The following GALNTL6 variants were observed in gnomAD, a reference collection of about 807,000 sequenced individuals.
GALNTL6 encodes polypeptide N-acetylgalactosaminyltransferase-like 6.
Under a neutral mutation model 73.7 loss-of-function variants are expected in GALNTL6, and 46 were observed. That is an observed-to-expected ratio of 0.62 (90% CI 0.49 to 0.80). GALNTL6 has a LOEUF of 0.80. Among genes scored for constraint, GALNTL6 ranks in the 30% least tolerant of loss-of-function variants. The pLI is 0.00. For synonymous variants in GALNTL6, 259 were observed against 263.7 expected (o/e 0.98, Z 0.17); for missense variants, 604 against 755.0 (o/e 0.80, Z 2.34).
At chr4:172,175,150 C>T (rs1180179288) in intron 2 of GALNTL6, among the ~76,000 whole-genome samples, 2 of 151,306 alleles carry the variant, frequency 1.3e-5, no homozygotes, top group African/African-American at 4.9e-5. Context: ...GATCTCAGCT[C>T]ACTGCACTCT....
intron 2 of GALNTL6, among the ~76,000 whole-genome samples, chr4:171,965,415 G>T (rs916485917): frequency 1.3e-5 from 2 of 152,098 alleles, no homozygotes; most frequent in African/African-American, 4.8e-5. Flanking sequence ...CCAGCACTTT[G>T]GGAAACCGAG....
intron 12 of GALNTL6, among the ~76,000 whole-genome samples, chr4:173,025,370 T>C (rs1753190716): frequency 1.3e-5 from 2 of 152,190 alleles, no homozygotes; most frequent in Non-Finnish European, 2.9e-5. Flanking sequence ...TCAATCCCCA[T>C]TGGTCACTAA....
chr4:171,937,501 G>A lies in GALNTL6; in HGVS notation c.138+122783G>A, dbSNP rs145789147. On this transcript the variant is annotated intron_variant, in intron 2 of 12. Transcript: ENST00000506823. Reference sequence around the variant, plus strand: ...AGAAGTTTGTTTTTTGTATGCACATGTGATATACGTACACAGAAATTACTC... The same window carrying A: ...AGAAGTTTGTTTTTTGTATGCACATATGATATACGTACACAGAAATTACTC... 8.6e-4 allele frequency among the ~76,000 whole-genome samples: 131 copies of A among 152,236 alleles called. 1 individual carries two copies. The highest frequency in any genetic ancestry group is 5.8e-3 in the Admixed American group (88 of 15,290).
At chr4:172,902,255 A>C (rs116522725) in intron 8 of GALNTL6, among the ~76,000 whole-genome samples, 1 of 152,210 alleles carries the variant, frequency 6.6e-6, no homozygotes, top group Non-Finnish European at 1.5e-5. Context: ...GCAATTTTAC[A>C]TCTAGTCCCC....
intron 2 of GALNTL6, among the ~76,000 whole-genome samples, chr4:171,939,358 A>C (rs954894553): frequency 1.3e-5 from 2 of 151,976 alleles, no homozygotes; most frequent in Non-Finnish European, 2.9e-5. Flanking sequence ...AATTTGATAT[A>C]CTATTCTTGG....
chr4:171,941,626 T>C (rs189146), intron 2 of GALNTL6, among the ~76,000 whole-genome samples: 109,952 of 152,040 alleles, frequency 0.72, 40,828 homozygotes, highest in Admixed American at 0.84. Context: ...CTCCTTTAGA[T>C]GGCCAGGGTT....
chr4:172,366,543 C>T (rs1387833928), intron 5 of GALNTL6, among the ~76,000 whole-genome samples: 1 of 152,054 alleles, frequency 6.6e-6, no homozygotes, highest in Non-Finnish European at 1.5e-5. Flanking sequence ...TATGAAAGGT[C>T]TCCTCAAATA....
At chr4:172,517,351 A>T (rs1734643567) in intron 5 of GALNTL6, among the ~76,000 whole-genome samples, 1 of 152,080 alleles carries the variant, frequency 6.6e-6, no homozygotes, top group Non-Finnish European at 1.5e-5. Flanking sequence ...TACAGGTTCA[A>T]CACATCTTCA....
At chr4:172,928,447 T>C (rs1045940233) in intron 8 of GALNTL6, among the ~76,000 whole-genome samples, 11 of 152,226 alleles carry the variant, frequency 7.2e-5, no homozygotes, top group African/African-American at 2.7e-4. Context: ...AAGGGCATAA[T>C]TAGCATTCAT....
intron 5 of GALNTL6, among the ~76,000 whole-genome samples, chr4:172,688,872 C>T (rs916819445): frequency 2.0e-5 from 3 of 152,106 alleles, no homozygotes; most frequent in African/African-American, 7.2e-5. Flanking sequence ...TTATTTGTGC[C>T]TGTGTCTTGT....
intron 8 of GALNTL6, among the ~76,000 whole-genome samples, chr4:172,883,815 G>C (rs934371298): frequency 1.6e-4 from 23 of 140,556 alleles, no homozygotes; most frequent in African/African-American, 4.9e-4. Context: ...CCCAGCCTCT[G>C]GTAACCACCA....
chr4:172,964,284 G>T (rs1248586437), intron 10 of GALNTL6, among the ~76,000 whole-genome samples: 1 of 152,166 alleles, frequency 6.6e-6, no homozygotes, highest in Non-Finnish European at 1.5e-5. Context: ...CATTTAGAGT[G>T]CTCCTTTATA....
At chr4:172,639,190 A>G (rs1422267717) in intron 5 of GALNTL6, among the ~76,000 whole-genome samples, 1 of 152,088 alleles carries the variant, frequency 6.6e-6, no homozygotes, top group Non-Finnish European at 1.5e-5. Context: ...TTGTCAACTA[A>G]GTTTAGCATT....
chr4:171,936,091 C>T (rs909749188), intron 2 of GALNTL6, among the ~76,000 whole-genome samples: 3 of 152,232 alleles, frequency 2.0e-5, no homozygotes, highest in Admixed American at 6.5e-5. Flanking sequence ...GGTTGAAATA[C>T]CAGTTTCCTA....
chr4:172,144,077 T>C (rs1178974661), intron 2 of GALNTL6, among the ~76,000 whole-genome samples: 2 of 152,314 alleles, frequency 1.3e-5, no homozygotes, highest in East Asian at 3.9e-4. Flanking sequence ...GACTCTGGGA[T>C]GGCTGTTATT....
chr4:172,245,374 G>C (rs958715332), intron 3 of GALNTL6, among the ~76,000 whole-genome samples: 1 of 152,104 alleles, frequency 6.6e-6, no homozygotes, highest in Non-Finnish European at 1.5e-5. Flanking sequence ...TGTTGCCATA[G>C]ACTTGATGGG....
At chr4:172,528,250 T>G (rs1052984245) in intron 5 of GALNTL6, among the ~76,000 whole-genome samples, 2 of 148,716 alleles carry the variant, frequency 1.3e-5, no homozygotes, top group Non-Finnish European at 3.0e-5. Flanking sequence ...TCCTAGTTGC[T>G]GGCATGAGAA....
intron 5 of GALNTL6, among the ~76,000 whole-genome samples, chr4:172,661,980 GAAAC>G (rs2111181383): frequency 6.6e-6 from 1 of 152,298 alleles, no homozygotes; most frequent in South Asian, 2.1e-4. Context: ...GTACTTAAGA[GAAAC>G]CTGTAGACAG....
At chr4:172,373,023 G>T (rs1742879892) in intron 5 of GALNTL6, among the ~76,000 whole-genome samples, 1 of 152,208 alleles carries the variant, frequency 6.6e-6, no homozygotes, top group South Asian at 2.1e-4. Flanking sequence ...GAAAGTTCAA[G>T]AGTTCTAGAG....
Sources: allele counts gnomAD v4.1 joint callset (sites outside exome capture counted in the v4.1 genomes callset), GRCh38; gene constraint gnomAD v4.1.1; transcripts MANE v1.5; gene names NCBI Gene and HGNC (gene_info 2026-07-23, HGNC 2026-07-21).